ZRANB3: variants seen among roughly 807,000 people sequenced by gnomAD.
ZRANB3 encodes the protein DNA annealing helicase and endonuclease ZRANB3.
In ZRANB3, 125 loss-of-function variants were observed where a neutral mutation model predicts 133.8. The observed-to-expected ratio is 0.93, with a 90% CI of 0.81 to 1.08. The LOEUF is 1.08. Ranked by LOEUF, ZRANB3 falls within the 50% of genes least tolerant of loss-of-function variation. The probability of loss-of-function intolerance (pLI) is 0.00; values close to 1 mark genes in which losing one functional copy is unlikely to be tolerated. For synonymous variants in ZRANB3, 387 were observed against 432.7 expected, an observed-to-expected ratio of 0.89 and a Z score of 1.31; for missense variants, 1,229 against 1,275.5, an observed-to-expected ratio of 0.96 and a Z score of 0.56.
At position 135,326,492 on chromosome 2, in the gene ZRANB3, T is replaced by C. The variant is rs1320908400; in HGVS notation, c.678-10962A>G. 2.0e-5 allele frequency among the ~76,000 whole-genome samples: 3 copies of C among 152,190 alleles called. No homozygotes were observed. In the East Asian group the frequency reaches 5.8e-4, roughly 29 times the overall value. ...AGTTTTTTTTAAATTTTACTTTTAG[T>C]TCCGGGATACATGTGCAGAATGTGC... On this transcript the variant is annotated intron_variant, in intron 6 of 20. Coordinates refer to ENST00000264159, the MANE Select transcript of ZRANB3 (RefSeq NM_032143.4).
Position 135,272,525 on chromosome 2 carries a change from T to G in ZRANB3, c.1087-638A>C, listed in dbSNP as rs367859910. ...CGCCTCCGGGTTCACGCCATTTTCC[T>G]GCCTCAGCCTCCTGAGTAGCTGGGA... On this transcript the variant is annotated intron_variant, in intron 9 of 20. Transcript: ENST00000264159. 8.0e-5 allele frequency among the ~76,000 whole-genome samples: 12 copies of G among 150,092 alleles called. No homozygotes were observed. The South Asian group carries it at 2.6e-3, about 32-fold the overall frequency.
chr2:135,216,632 T>C (rs1694324595), intron 17 of ZRANB3, among the ~76,000 whole-genome samples: 2 of 145,668 alleles, frequency 1.4e-5, no homozygotes, highest in Non-Finnish European at 3.0e-5. Context: ...AGAAACAGGG[T>C]CTCCCTGTGT....
At chr2:135,461,245 A>G (rs751429909) in intron 2 of ZRANB3, among the ~76,000 whole-genome samples, 3 of 152,130 alleles carry the variant, frequency 2.0e-5, no homozygotes, top group Non-Finnish European at 4.4e-5. Context: ...TTTGACCTTC[A>G]CAACCAAATA....
chr2:135,430,261 T>C (rs967528522), intron 2 of ZRANB3, among the ~76,000 whole-genome samples: 4 of 152,156 alleles, frequency 2.6e-5, no homozygotes, highest in African/African-American at 4.8e-5. Flanking sequence ...CATTTCTTGA[T>C]GAAGAGAGCC....
intron 2 of ZRANB3, among the ~76,000 whole-genome samples, chr2:135,439,508 A>G (rs1365871576): frequency 6.6e-6 from 1 of 152,200 alleles, no homozygotes; most frequent in Non-Finnish European, 1.5e-5. Flanking sequence ...CCACTAAAAA[A>G]AAATTTTGGT....
At chr2:135,353,419 T>C (rs1193949236) in intron 4 of ZRANB3, 31 bp downstream of exon 4, 3 of 1,490,442 alleles carry the variant, frequency 2.0e-6, no homozygotes, top group Non-Finnish European at 2.7e-6. Context: ...AGGAAGACTT[T>C]TCTCCTTAAA....
At chr2:135,274,118 A>G (rs990224143) in intron 9 of ZRANB3, among the ~76,000 whole-genome samples, 2 of 152,178 alleles carry the variant, frequency 1.3e-5, no homozygotes, top group South Asian at 2.1e-4. Context: ...TCTTCCTATG[A>G]AGGAAACACT....
Position 135,353,586 on chromosome 2 carries a change from A to G in ZRANB3, c.223T>C (p.Phe75Leu), listed in dbSNP as rs1441810921. ...AACAGAGGCCATTCCTCTTTATAGAAGTAAGTAATTCCAATTGCCTGGATT... is the reference window on the plus strand; with the variant it reads ...AACAGAGGCCATTCCTCTTTATAGAGGTAAGTAATTCCAATTGCCTGGATT... Reference protein sequence around the residue: ...KTIQAIGITYFYKEEWPLLIV... With the variant: ...KTIQAIGITYLYKEEWPLLIV... The change falls in exon 4 of 21, where the codon TTC becomes CTC. Residue 75 changes from phenylalanine (F) to leucine (L), a missense_variant. Phe to Leu is a conservative substitution (Grantham distance 22). Coordinates refer to ENST00000264159, the MANE Select transcript of ZRANB3 (RefSeq NM_032143.4). 6.3e-7 allele frequency: 1 copy of G among 1,599,040 alleles called. No individual in the cohort carries two copies. Among genetic ancestry groups the G allele is most frequent in the South Asian group, 1.1e-5 (1 of 88,434 alleles).
chr2:135,346,960 A>T (rs1047432900), intron 5 of ZRANB3, among the ~76,000 whole-genome samples: 1 of 152,128 alleles, frequency 6.6e-6, no homozygotes, highest in South Asian at 2.1e-4. Flanking sequence ...CTCTCTTCCA[A>T]TCCTGCCAAC....
intron 2 of ZRANB3, among the ~76,000 whole-genome samples, chr2:135,477,588 T>C (rs1030485560): frequency 6.6e-5 from 10 of 152,250 alleles, no homozygotes; most frequent in African/African-American, 2.2e-4. Flanking sequence ...AAACTAACTG[T>C]TGGCTCTCTT....
chr2:135,351,610 A>G (rs762027661), intron 4 of ZRANB3, among the ~76,000 whole-genome samples: 4 of 152,178 alleles, frequency 2.6e-5, no homozygotes, highest in Non-Finnish European at 4.4e-5. Flanking sequence ...AGGTTATTTA[A>G]TATTACTAAC....
At position 135,207,743 on chromosome 2, in the gene ZRANB3, A is replaced by C. The variant is rs1693937265; in HGVS notation, c.2700T>G (p.Tyr900Ter). Residue 900 changes from tyrosine (Y) to a stop codon, truncating the protein, a stop_gained, in exon 19 of 21, where the codon TAT becomes TAG. Transcript: ENST00000264159. LOFTEE classifies it high-confidence loss of function. ...TTCCTTCATTATCCACAGCTTGCAA[A>C]TAGCCTTTGGATGTAGAGGGCTTCA... Reference protein sequence around the residue: ...LTVKPSTSKGYLQAVDNEGNP... With the variant: ...LTVKPSTSKG 1.1e-5 allele frequency: 18 copies of C among 1,614,020 alleles called. No individual in the cohort carries two copies. In the East Asian group the frequency reaches 4.0e-4, roughly 36 times the overall value.
At chr2:135,280,311 T>C (rs1321683995) in intron 8 of ZRANB3, among the ~76,000 whole-genome samples, 2 of 152,244 alleles carry the variant, frequency 1.3e-5, no homozygotes, top group African/African-American at 4.8e-5. Flanking sequence ...CTCATGCCTG[T>C]AATCCCAGCA....
Position 135,230,438 on chromosome 2 carries a change from A to T in ZRANB3, c.1954+75T>A. ...AGTCACACTAACCCTGGATAACAGC[A>T]GTCTCTAAAAGCACAGGTTATCTGA... On this transcript the variant is annotated intron_variant, in intron 13 of 20. Transcript: ENST00000264159. 3 of 1,338,696 alleles carry T rather than the reference A, an allele frequency of 2.2e-6. No homozygotes were observed. In the South Asian group the frequency reaches 6.5e-5, roughly 29 times the overall value. 82.9% of individuals were successfully genotyped at this position (1,338,696 alleles called of 1,614,324 possible). A position where few individuals can be genotyped will look rare whatever the true frequency, so the allele number is the denominator to read the frequency against.
intron 2 of ZRANB3, among the ~76,000 whole-genome samples, chr2:135,408,143 C>G (rs1410889710): frequency 6.6e-6 from 1 of 151,726 alleles, no homozygotes; most frequent in East Asian, 1.9e-4. Context: ...AAACAAACAA[C>G]CCCATCAAAA....
In ZRANB3 at chr2:135,324,717, A is replaced by G. The variant is rs186857321; in HGVS notation, c.678-9187T>C. Among the ~76,000 whole-genome samples, 1,090 of 152,208 alleles carry G rather than the reference A, an allele frequency of 7.2e-3. 11 individuals carry two copies. The highest frequency in any genetic ancestry group is 0.025 in the African/African-American group (1,020 of 41,528). On this transcript the variant is annotated intron_variant, in intron 6 of 20. Transcript: ENST00000264159. ...CCACCAACAGTGTAAAAGTGTTCCT[A>G]TTTCTCCACATCCTCTCCAGCACCT...
At chr2:135,339,860 C>T (rs565149981) in intron 6 of ZRANB3, among the ~76,000 whole-genome samples, 17 of 152,084 alleles carry the variant, frequency 1.1e-4, no homozygotes, top group African/African-American at 3.4e-4. Context: ...CTCTTTAATT[C>T]GCAACACATA....
intron 8 of ZRANB3, among the ~76,000 whole-genome samples, chr2:135,306,081 A>G (rs1030245582): frequency 1.3e-5 from 2 of 152,148 alleles, no homozygotes; most frequent in African/African-American, 4.8e-5. Flanking sequence ...TATCTATTTG[A>G]TAAGTCTTTG....
intron 6 of ZRANB3, among the ~76,000 whole-genome samples, chr2:135,331,699 TC>T (rs1684147685): frequency 6.6e-6 from 1 of 152,152 alleles, no homozygotes; most frequent in Non-Finnish European, 1.5e-5. Flanking sequence ...TCTTTGTAGC[TC>T]TCTAAGGACT....
Sources: gnomAD v4.1 joint callset for allele counts (sites outside exome capture counted in the v4.1 genomes callset) on GRCh38, gnomAD v4.1.1 for gene constraint, MANE v1.5 for transcripts, NCBI Gene and HGNC (gene_info 2026-07-23, HGNC 2026-07-21) for gene names.